ZRANB3: variants seen among roughly 807,000 people sequenced by gnomAD.
ZRANB3 encodes DNA annealing helicase and endonuclease ZRANB3.
In ZRANB3, 125 loss-of-function variants were observed where a neutral mutation model predicts 133.8. That is an observed-to-expected ratio of 0.93 (90% CI 0.81 to 1.08). The LOEUF is 1.08. ZRANB3 is among the 50% of genes least tolerant of loss of function. The pLI, the probability that ZRANB3 is intolerant of heterozygous loss-of-function variation, is 0.00. For synonymous variants in ZRANB3, 387 were observed against 432.7 expected (o/e 0.89, Z 1.31); for missense variants, 1,229 against 1,275.5 (o/e 0.96, Z 0.56).
At chr2:135,437,012 T>C (rs968442001) in intron 2 of ZRANB3, among the ~76,000 whole-genome samples, 12 of 152,214 alleles carry the variant, frequency 7.9e-5, no homozygotes, top group African/African-American at 2.9e-4. Flanking sequence ...CAGGCTGGAG[T>C]GCAGTGGTGC....
At chr2:135,256,765 T>C (rs1043780322) in intron 12 of ZRANB3, among the ~76,000 whole-genome samples, 1 of 152,204 alleles carries the variant, frequency 6.6e-6, no homozygotes, top group African/African-American at 2.4e-5. Flanking sequence ...ATGTTAGGCA[T>C]TCTTAGTCAT....
At chr2:135,349,634 C>T (rs1165377784) in intron 5 of ZRANB3, among the ~76,000 whole-genome samples, 1 of 152,128 alleles carries the variant, frequency 6.6e-6, no homozygotes, top group East Asian at 1.9e-4. Flanking sequence ...GATTCAATCC[C>T]AACCCTAAGA....
intron 2 of ZRANB3, among the ~76,000 whole-genome samples, chr2:135,473,098 C>G (rs1264973205): frequency 6.6e-6 from 1 of 152,186 alleles, no homozygotes; most frequent in Admixed American, 6.5e-5. Context: ...AACTATCCAT[C>G]TCCTGAACTT....
At chr2:135,327,332 C>T (rs1193329841) in intron 6 of ZRANB3, among the ~76,000 whole-genome samples, 5 of 151,516 alleles carry the variant, frequency 3.3e-5, no homozygotes, top group African/African-American at 7.3e-5. Context: ...TCCAGGAAAA[C>T]GAAAAAAGAT....
intron 1 of ZRANB3, among the ~76,000 whole-genome samples, chr2:135,514,788 C>G (rs879053142): frequency 6.6e-6 from 1 of 152,148 alleles, no homozygotes; most frequent in Admixed American, 6.5e-5. Flanking sequence ...ATAAATAGCT[C>G]TTATCACTTT....
Position 135,212,391 on chromosome 2 carries a change from G to T in ZRANB3, c.2496-3413C>A, listed in dbSNP as rs16831450. ...AGCTTCCTAGCTTTGAGGGGCAATGGGATATTAAGCCTTGCCTGAGGTATT... is the reference window on the plus strand; with the variant it reads ...AGCTTCCTAGCTTTGAGGGGCAATGTGATATTAAGCCTTGCCTGAGGTATT... On this transcript the variant is annotated intron_variant, in intron 17 of 20. Coordinates refer to ENST00000264159, the MANE Select transcript of ZRANB3 (RefSeq NM_032143.4). Among the ~76,000 whole-genome samples the T allele has an allele frequency of 1.8e-3, 270 of 152,262 alleles. 3 individuals carry two copies. Among genetic ancestry groups the T allele is most frequent in the African/African-American group, 6.4e-3 (265 of 41,554 alleles).
chr2:135,462,924 C>G (rs1690826969), intron 2 of ZRANB3, among the ~76,000 whole-genome samples: 1 of 152,130 alleles, frequency 6.6e-6, no homozygotes, highest in Non-Finnish European at 1.5e-5. Context: ...ATTGTCTTTT[C>G]TCTAGCTCAT....
At chr2:135,486,384 C>T (rs1411694524) in intron 2 of ZRANB3, among the ~76,000 whole-genome samples, 1 of 152,216 alleles carries the variant, frequency 6.6e-6, no homozygotes, top group African/African-American at 2.4e-5. Flanking sequence ...CTTTGCTCAT[C>T]CATAAGAAGC....
At chr2:135,362,978 G>T (rs1322823936) in intron 3 of ZRANB3, among the ~76,000 whole-genome samples, 3 of 152,054 alleles carry the variant, frequency 2.0e-5, no homozygotes, top group Non-Finnish European at 4.4e-5. Context: ...TATTATTTAT[G>T]TTCCTGAAAC....
intron 2 of ZRANB3, among the ~76,000 whole-genome samples, chr2:135,479,478 T>C (rs1252414090): frequency 6.6e-6 from 1 of 151,784 alleles, no homozygotes; most frequent in East Asian, 1.9e-4. Flanking sequence ...TCTACAAAAA[T>C]ACAAAAATTA....
intron 8 of ZRANB3, among the ~76,000 whole-genome samples, chr2:135,283,072 C>T (rs1681167487): frequency 6.6e-6 from 1 of 151,956 alleles, no homozygotes; most frequent in South Asian, 2.1e-4. Context: ...ACTGCTCAAG[C>T]CCAGGAGTTT....
intron 3 of ZRANB3, among the ~76,000 whole-genome samples, chr2:135,376,684 C>T (rs1660476115): frequency 6.6e-6 from 1 of 151,976 alleles, no homozygotes; most frequent in African/African-American, 2.4e-5. Context: ...GGGGTTCAGC[C>T]CTGGGGGAAA....
At chr2:135,210,800 G>A (rs774307068) in intron 17 of ZRANB3, among the ~76,000 whole-genome samples, 4 of 152,022 alleles carry the variant, frequency 2.6e-5, no homozygotes, top group East Asian at 1.9e-4. Flanking sequence ...TTTAAAATTC[G>A]CATTCCTATT....
At chr2:135,404,721 A>G (rs542463131) in intron 2 of ZRANB3, among the ~76,000 whole-genome samples, 41 of 152,366 alleles carry the variant, frequency 2.7e-4, no homozygotes, top group Non-Finnish European at 2.8e-4. Flanking sequence ...GGTTACCCAC[A>G]AAGGGAAGCC....
At chr2:135,383,676 C>G (rs1686828986) in intron 3 of ZRANB3, among the ~76,000 whole-genome samples, 2 of 152,158 alleles carry the variant, frequency 1.3e-5, no homozygotes, top group South Asian at 2.1e-4. Context: ...CAAACTAGAA[C>G]TCAGGATTAA....
chr2:135,431,152 T>C (rs1428445063), intron 2 of ZRANB3, among the ~76,000 whole-genome samples: 1 of 149,396 alleles, frequency 6.7e-6, no homozygotes, highest in Non-Finnish European at 1.5e-5. Context: ...ATGAGCTGAG[T>C]GTGGTGGCAC....
chr2:135,269,183 G>C (rs775535136), intron 10 of ZRANB3, 42 bp from the exon 11 acceptor site: 5 of 1,473,010 alleles, frequency 3.4e-6, no homozygotes, highest in Non-Finnish European at 4.6e-6. Flanking sequence ...GTAACATACA[G>C]CCAATATATA....
intron 9 of ZRANB3, among the ~76,000 whole-genome samples, 186 bp downstream of exon 9, chr2:135,275,450 G>A (rs1382438253): frequency 6.6e-6 from 1 of 152,008 alleles, no homozygotes; most frequent in Non-Finnish European, 1.5e-5. Context: ...TAAGAAAAGA[G>A]AAAATTTAAT....
chr2:135,507,665 T>C (rs1405293394), intron 1 of ZRANB3, among the ~76,000 whole-genome samples: 2 of 152,116 alleles, frequency 1.3e-5, no homozygotes, highest in African/African-American at 4.8e-5. Flanking sequence ...ACTCCTTTTT[T>C]TTTTTTTCTT....
Sources: allele counts gnomAD v4.1 joint callset (sites outside exome capture counted in the v4.1 genomes callset), GRCh38; gene constraint gnomAD v4.1.1; transcripts MANE v1.5; gene names NCBI Gene and HGNC (gene_info 2026-07-23, HGNC 2026-07-21).